Variants in RRAS2 observed in about 807,000 individuals in gnomAD.
The protein encoded by RRAS2 is RAS related 2, also known as ras-related protein R-Ras2.
Under a neutral mutation model 27.6 loss-of-function variants are expected in RRAS2, and 7 were observed. That is an observed-to-expected ratio of 0.25 (90% CI 0.14 to 0.48). RRAS2 has a LOEUF of 0.48. RRAS2 is among the 20% of genes least tolerant of loss of function. The pLI is 0.99. For synonymous variants in RRAS2, 86 were observed against 90.9 expected, an observed-to-expected ratio of 0.95 and a Z score of 0.31; for missense variants, 178 against 256.2, an observed-to-expected ratio of 0.69 and a Z score of 2.08.
intron 1 of RRAS2, among the ~76,000 whole-genome samples, chr11:14,302,109 C>CACACACACACACAT (rs1415452446): frequency 6.9e-4 from 96 of 139,014 alleles, no homozygotes; most frequent in Non-Finnish European, 1.3e-3. Flanking sequence ...CACACACACA[C>CACACACACACACAT]ACCAAAAACC....
chr11:14,298,778 T>TA (rs34040374), intron 1 of RRAS2, among the ~76,000 whole-genome samples: 65,098 of 151,888 alleles, frequency 0.43, 14,202 homozygotes, highest in Admixed American at 0.52. Flanking sequence ...CTGCCTATCA[T>TA]AGAATCAAAA....
chr11:14,347,253 T>C lies in RRAS2; in HGVS notation c.108+11510A>G, dbSNP rs554243480. 7.2e-5 allele frequency among the ~76,000 whole-genome samples: 11 copies of C among 152,214 alleles called. No homozygotes were observed. The South Asian group carries it at 2.3e-3, about 32-fold the overall frequency. ...CTAAAACCAGGTAGAATGATAGAAATGGCAAATAAAAGCAATAACCCTTAA... is the reference window on the plus strand; with the variant it reads ...CTAAAACCAGGTAGAATGATAGAAACGGCAAATAAAAGCAATAACCCTTAA... On this transcript the variant is annotated intron_variant, in intron 1 of 5. Coordinates refer to ENST00000256196, the MANE Select transcript of RRAS2 (RefSeq NM_012250.6).
intron 1 of RRAS2, among the ~76,000 whole-genome samples, chr11:14,319,345 C>CTTTTTTTTTTTTTTTTTTT (rs1156654694): frequency 1.1e-5 from 1 of 91,516 alleles, no homozygotes; most frequent in Admixed American, 1.6e-4. Context: ...TTCCCTCTGT[C>CTTTTTTTTTTTTTTTTTTT]TTTTTTTTTT....
At position 14,338,720 on chromosome 11, in the gene RRAS2, T is replaced by A. The variant is rs930994892; in HGVS notation, c.108+20043A>T. ...AATGGCTCCAAATCCTAATTTTTTT[T>A]AAACCACATTAAAAAGGGGTTTTGG... On this transcript the variant is annotated intron_variant, in intron 1 of 5. Coordinates refer to ENST00000256196, the MANE Select transcript of RRAS2 (RefSeq NM_012250.6). 7.9e-5 allele frequency among the ~76,000 whole-genome samples: 12 copies of A among 152,142 alleles called. 1 individual carries two copies. Among genetic ancestry groups the A allele is most frequent in the East Asian group, 5.8e-4 (3 of 5,188 alleles).
At chr11:14,305,474 A>C (rs1169808735) in intron 1 of RRAS2, among the ~76,000 whole-genome samples, 1 of 152,084 alleles carries the variant, frequency 6.6e-6, no homozygotes, top group African/African-American at 2.4e-5. Flanking sequence ...GCCTAAACAA[A>C]ACTTGTATAG....
intron 1 of RRAS2, among the ~76,000 whole-genome samples, chr11:14,352,638 T>A (rs1356270189): frequency 7.8e-6 from 1 of 128,078 alleles, no homozygotes; most frequent in Non-Finnish European, 1.6e-5. Flanking sequence ...GGAATTAATA[T>A]CCTAAAGACC....
chr11:14,319,315 AATT>A (rs1253751241), intron 1 of RRAS2, among the ~76,000 whole-genome samples: 1 of 149,132 alleles, frequency 6.7e-6, no homozygotes, highest in African/African-American at 2.5e-5. Flanking sequence ...CTACAATAAA[AATT>A]ATATTAACTA....
chr11:14,292,002 A>G (rs1292877678), intron 4 of RRAS2, among the ~76,000 whole-genome samples: 1 of 152,222 alleles, frequency 6.6e-6, no homozygotes, highest in Non-Finnish European at 1.5e-5. Context: ...TTTATACAAT[A>G]TTTTAAGTAA....
chr11:14,359,054 C>T lies in RRAS2; in HGVS notation c.-184G>A, dbSNP rs1207735398. Reference sequence around the variant, plus strand: ...CGCGGCGCTGGGGACTGGCTGGGTACCGCCCGAGGCGCGGAGAAGCGGGGT... The same window carrying T: ...CGCGGCGCTGGGGACTGGCTGGGTATCGCCCGAGGCGCGGAGAAGCGGGGT... On this transcript the variant is annotated 5_prime_UTR_variant, in exon 1 of 6. Coordinates refer to ENST00000256196, the MANE Select transcript of RRAS2 (RefSeq NM_012250.6). The T allele has an allele frequency of 9.0e-7, 1 of 1,108,806 alleles. No individual in the cohort carries two copies. The highest frequency in any genetic ancestry group is 1.1e-6 in the Non-Finnish European group (1 of 909,684). 68.7% of individuals were successfully genotyped at this position (1,108,806 alleles called of 1,614,324 possible).
chr11:14,314,758 C>T (rs546742090), intron 1 of RRAS2, among the ~76,000 whole-genome samples: 1 of 152,086 alleles, frequency 6.6e-6, no homozygotes, highest in African/African-American at 2.4e-5. Context: ...GGTGCGATCT[C>T]GGCTCACTGC....
intron 1 of RRAS2, among the ~76,000 whole-genome samples, chr11:14,337,557 G>A (rs781973281): frequency 5.3e-5 from 8 of 152,054 alleles, no homozygotes; most frequent in Non-Finnish European, 8.8e-5. Flanking sequence ...GAGAAAGACC[G>A]CATTCAGATA....
chr11:14,347,641 G>A (rs530043408), intron 1 of RRAS2, among the ~76,000 whole-genome samples: 12 of 152,052 alleles, frequency 7.9e-5, no homozygotes, highest in South Asian at 2.1e-4. Context: ...GCAACATAGC[G>A]AGACCTCGTC....
At chr11:14,353,101 A>T (rs1311383521) in intron 1 of RRAS2, among the ~76,000 whole-genome samples, 1 of 152,046 alleles carries the variant, frequency 6.6e-6, no homozygotes, top group Non-Finnish European at 1.5e-5. Flanking sequence ...GCCCAGCTAA[A>T]ATTTTTTTTA....
At chr11:14,317,745 A>G (rs1554949730) in intron 1 of RRAS2, among the ~76,000 whole-genome samples, 1 of 152,232 alleles carries the variant, frequency 6.6e-6, no homozygotes, top group African/African-American at 2.4e-5. Context: ...ATCTTTCCCT[A>G]CAAAACAAAT....
At chr11:14,281,142 T>C (rs1463309570) in intron 5 of RRAS2, among the ~76,000 whole-genome samples, 2 of 152,242 alleles carry the variant, frequency 1.3e-5, no homozygotes, top group African/African-American at 4.8e-5. Flanking sequence ...AATCAGAGGT[T>C]TGAATTAAAG....
intron 2 of RRAS2, 44 bp downstream of exon 2, chr11:14,295,724 A>T (rs542721390): frequency 8.5e-5 from 126 of 1,482,636 alleles, no homozygotes; most frequent in Non-Finnish European, 1.1e-4. Context: ...TACTTTTTTA[A>T]AAAATATGAT....
At chr11:14,313,400 TA>T (rs1848022619) in intron 1 of RRAS2, among the ~76,000 whole-genome samples, 1 of 152,204 alleles carries the variant, frequency 6.6e-6, no homozygotes, top group Non-Finnish European at 1.5e-5. Context: ...TTGCATTTAG[TA>T]AAAGTACTTT....
In RRAS2 at chr11:14,321,178, C is replaced by CA. The variant is rs782758464; in HGVS notation, c.109-25324dup. Among the ~76,000 whole-genome samples, 559 of 133,916 alleles carry CA rather than the reference C, an allele frequency of 4.2e-3. 2 individuals are homozygous for CA. The highest frequency in any genetic ancestry group is 0.012 in the Middle Eastern group (3 of 244). The allele number at this position is 133,916 out of a possible 152,430, so 87.9% of individuals were successfully genotyped here. A position where few individuals can be genotyped will look rare whatever the true frequency, so the allele number is the denominator to read the frequency against. ...TAGACAACAGACCAAGACTCCATCT[C>CA]AAAAAAAAAAAAAAGATTGCAAATA... On this transcript the variant is annotated intron_variant, in intron 1 of 5. Coordinates refer to ENST00000256196, the MANE Select transcript of RRAS2 (RefSeq NM_012250.6).
chr11:14,351,996 T>C (rs1242802012), intron 1 of RRAS2, among the ~76,000 whole-genome samples: 1 of 152,082 alleles, frequency 6.6e-6, no homozygotes, highest in Admixed American at 6.5e-5. Flanking sequence ...CAACTTACAT[T>C]CAAATGATTT....
Sources: gnomAD v4.1 joint callset for allele counts (sites outside exome capture counted in the v4.1 genomes callset) on GRCh38, gnomAD v4.1.1 for gene constraint, MANE v1.5 for transcripts, NCBI Gene and HGNC (gene_info 2026-07-23, HGNC 2026-07-21) for gene names.